The following PTPRO variants were observed in gnomAD, a reference collection of about 807,000 sequenced individuals.
The protein encoded by PTPRO is protein tyrosine phosphatase receptor type O, also known as receptor-type tyrosine-protein phosphatase O.
A neutral mutation model predicts 145.2 loss-of-function variants in PTPRO; 62 were observed. That is an observed-to-expected ratio of 0.43 (90% CI 0.35 to 0.53). The LOEUF is 0.53. Ranked by LOEUF, PTPRO falls within the 20% of genes least tolerant of loss-of-function variation. The pLI, the probability that PTPRO is intolerant of heterozygous loss-of-function variation, is 0.01. For missense variants in PTPRO, 1,345 were observed against 1,482.7 expected (o/e 0.91, Z 1.53); for synonymous variants, 565 against 514.7 (o/e 1.10, Z -1.32).
rs946873953 is a variant in PTPRO, at chr12:15,522,547, AT to A, written c.1891+2243del. 2.6e-5 allele frequency among the ~76,000 whole-genome samples: 4 copies of A among 151,910 alleles called. No homozygotes were observed. In the East Asian group the frequency reaches 5.8e-4, roughly 22 times the overall value. ...TAAAGTAAAAACGCGTGTGTGTGTG[AT>A]TTTTTTTACCTTCTTATTTAAAGCA... On this transcript the variant is annotated intron_variant, in intron 10 of 26. Coordinates refer to ENST00000281171, the MANE Select transcript of PTPRO (RefSeq NM_030667.3).
intron 12 of PTPRO, chr12:15,546,339 G>A (rs537975432): frequency 2.2e-6 from 3 of 1,369,048 alleles, no homozygotes; most frequent in Non-Finnish European, 2.8e-6. Flanking sequence ...AAACAGAAGT[G>A]TTCTGAAAAG....
intron 3 of PTPRO, 40 bp downstream of exon 3, chr12:15,497,443 A>G (rs753254239): frequency 1.2e-5 from 19 of 1,593,098 alleles, no homozygotes; most frequent in Non-Finnish European, 1.5e-5. Context: ...GATGACCCTC[A>G]CTTTTTACAA....
At chr12:15,584,963 C>G (rs890511238) in intron 23 of PTPRO, among the ~76,000 whole-genome samples, 1 of 152,148 alleles carries the variant, frequency 6.6e-6, no homozygotes. Context: ...TTGGCATCAA[C>G]TGAGTGAGAG....
chr12:15,367,109 T>G (rs546396978), intron 1 of PTPRO, among the ~76,000 whole-genome samples: 2 of 152,226 alleles, frequency 1.3e-5, no homozygotes, highest in Admixed American at 6.5e-5. Flanking sequence ...TAATACATAT[T>G]TTTGAGCATC....
rs1944327234 is a variant in PTPRO at position 15,581,873 on chromosome 12, C to A, written c.3255+72C>A. 1.7e-5 allele frequency: 27 copies of A among 1,598,970 alleles called. No homozygotes were observed. The South Asian group carries it at 1.8e-4, about 10-fold the overall frequency. ...GCTGAGACCAGTTTGGTCGGGGAGA[C>A]CCTAACCCAGCGGCGCTAGAGGAAT... is the stretch of plus-strand genomic sequence containing the variant. On this transcript the variant is annotated intron_variant, in intron 23 of 26. Transcript: ENST00000281171.
intron 1 of PTPRO, among the ~76,000 whole-genome samples, chr12:15,459,606 C>T (rs192051215): frequency 2.8e-4 from 43 of 152,212 alleles, no homozygotes; most frequent in Non-Finnish European, 5.7e-4. Flanking sequence ...GAATTTATTG[C>T]AAAAGGAGTT....
chr12:15,353,333 A>G (rs1029495377), intron 1 of PTPRO, among the ~76,000 whole-genome samples: 8 of 152,148 alleles, frequency 5.3e-5, no homozygotes, highest in Non-Finnish European at 1.2e-4. Flanking sequence ...AGTTCAAGAC[A>G]CTTATTATAA....
intron 25 of PTPRO, 151 bp downstream of exon 25, chr12:15,589,741 A>G (rs1215635755): frequency 2.2e-6 from 2 of 920,476 alleles, no homozygotes; most frequent in Non-Finnish European, 3.4e-6. Flanking sequence ...GCTTTGAGGC[A>G]TAAAAGAAAT....
At chr12:15,584,557 A>G (rs1261350958) in intron 23 of PTPRO, among the ~76,000 whole-genome samples, 1 of 152,202 alleles carries the variant, frequency 6.6e-6, no homozygotes. Flanking sequence ...AAGGACTTGA[A>G]AAATAGGAAT....
chr12:15,518,673 A>G (rs923035453), intron 9 of PTPRO, among the ~76,000 whole-genome samples: 2 of 152,152 alleles, frequency 1.3e-5, no homozygotes, highest in African/African-American at 2.4e-5. Flanking sequence ...GATACCCTAA[A>G]TCATCTCTCT....
chr12:15,332,754 A>C (rs1866649030), intron 1 of PTPRO, among the ~76,000 whole-genome samples: 1 of 152,212 alleles, frequency 6.6e-6, no homozygotes. Flanking sequence ...CCACCTTCAG[A>C]CAACAGTTTT....
At chr12:15,565,751 A>G (rs897891694) in intron 18 of PTPRO, 123 bp downstream of exon 18, 2 of 709,214 alleles carry the variant, frequency 2.8e-6, no homozygotes, top group African/African-American at 3.5e-5. Flanking sequence ...GCATATTACA[A>G]TAGCTAAGCA....
At chr12:15,401,074 A>T (rs950720999) in intron 1 of PTPRO, among the ~76,000 whole-genome samples, 14 of 152,184 alleles carry the variant, frequency 9.2e-5, no homozygotes, top group African/African-American at 3.4e-4. Context: ...TATGCCCATC[A>T]GGTTGACTGG....
chr12:15,385,313 G>A (rs1938988878), intron 1 of PTPRO, among the ~76,000 whole-genome samples: 1 of 152,130 alleles, frequency 6.6e-6, no homozygotes, highest in South Asian at 2.1e-4. Context: ...CCAAGGAGAA[G>A]TATAACGTTG....
At chr12:15,580,934 A>C in intron 22 of PTPRO, 103 bp downstream of exon 22, 1 of 1,458,682 alleles carries the variant, frequency 6.9e-7, no homozygotes, top group Non-Finnish European at 9.5e-7. Context: ...AAACATAGAG[A>C]CAAATCGCTA....
chr12:15,393,763 T>C lies in PTPRO; in HGVS notation c.75+70962T>C, dbSNP rs117313353. On this transcript the variant is annotated intron_variant, in intron 1 of 26. Transcript: ENST00000281171. Reference sequence around the variant, plus strand: ...ATTACCATTTATGTCACTGTCTTAGTCAGCTTTCTGTTGCTATGACTGAAT... The same window carrying C: ...ATTACCATTTATGTCACTGTCTTAGCCAGCTTTCTGTTGCTATGACTGAAT... 4.6e-5 allele frequency among the ~76,000 whole-genome samples: 7 copies of C among 152,320 alleles called. No homozygotes were observed. The East Asian group carries it at 1.4e-3, about 29-fold the overall frequency.
chr12:15,531,434 G>C (rs1292587439), intron 12 of PTPRO, among the ~76,000 whole-genome samples: 5 of 152,124 alleles, frequency 3.3e-5, no homozygotes, highest in African/African-American at 4.8e-5. Flanking sequence ...AAATGAACTG[G>C]ATCTTTTTGT....
At chr12:15,561,177 A>G (rs1246411055) in intron 17 of PTPRO, among the ~76,000 whole-genome samples, 1 of 152,128 alleles carries the variant, frequency 6.6e-6, no homozygotes, top group South Asian at 2.1e-4. Flanking sequence ...GTACAGACAG[A>G]TCCATAAATG....
chr12:15,427,326 A>G (rs1264866020), intron 1 of PTPRO, among the ~76,000 whole-genome samples: 1 of 151,994 alleles, frequency 6.6e-6, no homozygotes, highest in Non-Finnish European at 1.5e-5. Context: ...TAATTTTAAT[A>G]TGTATGCCTG....
Sources: gnomAD v4.1 joint callset for allele counts (sites outside exome capture counted in the v4.1 genomes callset) on GRCh38, gnomAD v4.1.1 for gene constraint, MANE v1.5 for transcripts, NCBI Gene and HGNC (gene_info 2026-07-23, HGNC 2026-07-21) for gene names.